The following ZDHHC17 variants were observed in gnomAD, a reference collection of about 807,000 sequenced individuals.
The protein encoded by ZDHHC17 is zDHHC palmitoyltransferase 17.
A neutral mutation model predicts 90.3 loss-of-function variants in ZDHHC17; 40 were observed. The ratio of observed to expected loss-of-function variants is 0.44; its 90% CI spans 0.34 to 0.58. The LOEUF is 0.58. Ranked by LOEUF, ZDHHC17 falls within the 20% of genes least tolerant of loss-of-function variation. The pLI, the probability that ZDHHC17 is intolerant of heterozygous loss-of-function variation, is 0.01. For synonymous variants in ZDHHC17, 235 were observed against 252.4 expected (o/e 0.93, Z 0.65); for missense variants, 614 against 780.8 (o/e 0.79, Z 2.55).
intron 10 of ZDHHC17, among the ~76,000 whole-genome samples, chr12:76,831,133 C>T (rs372054951): frequency 1.8e-4 from 27 of 152,084 alleles, no homozygotes; most frequent in African/African-American, 6.5e-4. Context: ...TTTATTCTTA[C>T]GTGTCTGTAA....
At chr12:76,771,823 T>C (rs1592456022) in intron 1 of ZDHHC17, among the ~76,000 whole-genome samples, 1 of 152,216 alleles carries the variant, frequency 6.6e-6, no homozygotes, top group East Asian at 1.9e-4. Context: ...ATGTCAACAA[T>C]CTTGTCTGAA....
intron 1 of ZDHHC17, among the ~76,000 whole-genome samples, chr12:76,795,817 C>T (rs1016753973): frequency 2.6e-5 from 4 of 152,066 alleles, no homozygotes; most frequent in Non-Finnish European, 5.9e-5. Context: ...TGAGAACAAC[C>T]TCTTAAAAAA....
At chr12:76,772,834 C>T (rs371280229) in intron 1 of ZDHHC17, among the ~76,000 whole-genome samples, 9 of 151,702 alleles carry the variant, frequency 5.9e-5, no homozygotes, top group African/African-American at 2.2e-4. Context: ...CGTGAGCCAC[C>T]GCGCCCGGCC....
intron 7 of ZDHHC17, among the ~76,000 whole-genome samples, chr12:76,821,558 T>C (rs1953162771): frequency 1.3e-5 from 2 of 152,202 alleles, no homozygotes; most frequent in Non-Finnish European, 2.9e-5. Flanking sequence ...TGAATATTCA[T>C]CTTTACATTC....
intron 5 of ZDHHC17, among the ~76,000 whole-genome samples, chr12:76,814,441 A>G (rs1473485064): frequency 1.3e-5 from 2 of 151,944 alleles, no homozygotes; most frequent in Non-Finnish European, 2.9e-5. Flanking sequence ...AGATCTCTTG[A>G]GAGGAAAGAA....
intron 1 of ZDHHC17, 84 bp from the exon 2 acceptor site, chr12:76,797,350 A>G (rs1952831975): frequency 1.2e-6 from 1 of 866,056 alleles, no homozygotes; most frequent in Admixed American, 3.2e-5. Flanking sequence ...CTCAAACAAC[A>G]CAAAAGCACT....
At chr12:76,825,313 A>G (rs1013634457) in intron 8 of ZDHHC17, among the ~76,000 whole-genome samples, 6 of 152,208 alleles carry the variant, frequency 3.9e-5, no homozygotes, top group Admixed American at 2.0e-4. Flanking sequence ...TAATTTAAAA[A>G]GAGGCTTCTG....
At chr12:76,794,499 G>T (rs1456255171) in intron 1 of ZDHHC17, among the ~76,000 whole-genome samples, 1 of 152,060 alleles carries the variant, frequency 6.6e-6, no homozygotes, top group Non-Finnish European at 1.5e-5. Flanking sequence ...AATAAAGCAG[G>T]TTGGAGATTT....
intron 2 of ZDHHC17, among the ~76,000 whole-genome samples, chr12:76,797,971 ACACACACG>A (rs1785760742): frequency 1.6e-5 from 2 of 128,460 alleles, no homozygotes; most frequent in South Asian, 2.5e-4. Context: ...ACACACACAC[ACACACACG>A]AAAATTTAGT....
chr12:76,764,514 G>A (rs1229994570), intron 1 of ZDHHC17, 185 bp downstream of exon 1: 2 of 607,436 alleles, frequency 3.3e-6, no homozygotes, highest in African/African-American at 1.9e-5. Flanking sequence ...ATAGCGGGGC[G>A]GGCCCGACCG....
At chr12:76,834,958 T>A (rs1953346349) in intron 10 of ZDHHC17, among the ~76,000 whole-genome samples, 1 of 152,178 alleles carries the variant, frequency 6.6e-6, no homozygotes, top group Non-Finnish European at 1.5e-5. Flanking sequence ...TCCAAGTTTG[T>A]TATTTCTCAG....
chr12:76,788,649 T>C (rs1952720371), intron 1 of ZDHHC17, among the ~76,000 whole-genome samples: 1 of 143,330 alleles, frequency 7.0e-6, no homozygotes, highest in Non-Finnish European at 1.5e-5. Flanking sequence ...TCCCAAAAGA[T>C]GAACTAGGAT....
At chr12:76,777,193 C>G (rs887907396) in intron 1 of ZDHHC17, among the ~76,000 whole-genome samples, 14 of 152,210 alleles carry the variant, frequency 9.2e-5, no homozygotes, top group Non-Finnish European at 1.6e-4. Context: ...CCTTCCAGCT[C>G]CCAACCTGTC....
At chr12:76,850,037 A>G (rs1953543807) in intron 16 of ZDHHC17, among the ~76,000 whole-genome samples, 1 of 152,026 alleles carries the variant, frequency 6.6e-6, no homozygotes, top group Non-Finnish European at 1.5e-5. Context: ...TCTCTGCCTC[A>G]GCCTCCTGAG....
intron 2 of ZDHHC17, among the ~76,000 whole-genome samples, chr12:76,799,815 G>A (rs1474819690): frequency 6.6e-6 from 1 of 152,120 alleles, no homozygotes; most frequent in Non-Finnish European, 1.5e-5. Flanking sequence ...TACAGGTTGA[G>A]TCCCTTATTC....
chr12:76,799,261 G>A (rs932842635), intron 2 of ZDHHC17, among the ~76,000 whole-genome samples: 1 of 152,160 alleles, frequency 6.6e-6, no homozygotes, highest in Non-Finnish European at 1.5e-5. Context: ...ACTTCAAGAA[G>A]AAAGCATAAA....
chr12:76,764,335 G>A lies in ZDHHC17; in HGVS notation c.93+6G>A. The A allele has an allele frequency of 6.3e-7, 1 of 1,589,368 alleles. No individual in the cohort carries two copies. The highest frequency in any genetic ancestry group is 8.6e-7 in the Non-Finnish European group (1 of 1,166,908). The stretch of plus-strand genomic sequence containing the variant: ...TGCCCCTTCTCCACCCAGAGGTGAG[G>A]AACCGTGCTGAGTGGATTCCTTGCC... On this transcript the variant is annotated splice_donor_region_variant and intron_variant, in intron 1 of 16. Coordinates refer to ENST00000426126, the MANE Select transcript of ZDHHC17 (RefSeq NM_015336.4).
At chr12:76,788,821 C>T (rs949422714) in intron 1 of ZDHHC17, among the ~76,000 whole-genome samples, 2 of 150,304 alleles carry the variant, frequency 1.3e-5, no homozygotes, top group African/African-American at 4.9e-5. Context: ...CTCAGCCTGT[C>T]GAGTGGCTGG....
At chr12:76,774,174 C>T (rs1033835383) in intron 1 of ZDHHC17, among the ~76,000 whole-genome samples, 11 of 152,024 alleles carry the variant, frequency 7.2e-5, no homozygotes, top group African/African-American at 2.4e-4. Context: ...TGCTTGAACC[C>T]AGGAGGTTGA....
Sources: allele counts gnomAD v4.1 joint callset (sites outside exome capture counted in the v4.1 genomes callset), GRCh38; gene constraint gnomAD v4.1.1; transcripts MANE v1.5; gene names NCBI Gene and HGNC (gene_info 2026-07-23, HGNC 2026-07-21).